The following LIN7A variants were observed in gnomAD, a reference collection of about 807,000 sequenced individuals.
LIN7A encodes the protein protein lin-7 homolog A.
Under a neutral mutation model 29.8 loss-of-function variants are expected in LIN7A, and 25 were observed. The ratio of observed to expected loss-of-function variants is 0.84; its 90% confidence interval spans 0.61 to 1.17. LIN7A has a LOEUF of 1.17. Ranked by LOEUF, LIN7A falls within the 50% of genes most tolerant of loss-of-function variation. LIN7A has a pLI of 0.00. For synonymous variants in LIN7A, 118 were observed against 107.5 expected, an observed-to-expected ratio of 1.10 and a Z score of -0.60; for missense variants, 239 against 287.0, an observed-to-expected ratio of 0.83 and a Z score of 1.21.
chr12:80,806,217 T>G (rs1212929160), intron 5 of LIN7A, among the ~76,000 whole-genome samples: 1 of 152,146 alleles, frequency 6.6e-6, no homozygotes, highest in Non-Finnish European at 1.5e-5. Context: ...GAAAATGAAC[T>G]AATACAACTC....
chr12:80,908,174 TC>T (rs750512281), intron 1 of LIN7A, among the ~76,000 whole-genome samples: 27 of 152,232 alleles, frequency 1.8e-4, no homozygotes, highest in Non-Finnish European at 3.5e-4. Context: ...ACTTGCTTTT[TC>T]CATTTTGTCT....
chr12:80,907,018 C>T (rs1876510701), intron 1 of LIN7A, among the ~76,000 whole-genome samples: 1 of 141,646 alleles, frequency 7.1e-6, no homozygotes, highest in African/African-American at 2.9e-5. Flanking sequence ...TTCAGTGAAA[C>T]AATGATCATA....
chr12:80,824,317 A>G (rs112477170), intron 4 of LIN7A, among the ~76,000 whole-genome samples: 36,561 of 152,050 alleles, frequency 0.24, 5,170 homozygotes, highest in Non-Finnish European at 0.33. Context: ...TAAACCAGGA[A>G]AATATAGAAT....
intron 5 of LIN7A, among the ~76,000 whole-genome samples, chr12:80,799,520 T>C (rs1385648459): frequency 6.6e-6 from 1 of 152,154 alleles, no homozygotes; most frequent in African/African-American, 2.4e-5. Context: ...CCCTGGATTA[T>C]TTAGTTCAAT....
At chr12:80,871,454 T>G (rs554399457) in intron 2 of LIN7A, among the ~76,000 whole-genome samples, 1 of 152,140 alleles carries the variant, frequency 6.6e-6, no homozygotes, top group Non-Finnish European at 1.5e-5. Flanking sequence ...TGCTTTTAAA[T>G]CCAATTAAAT....
intron 1 of LIN7A, among the ~76,000 whole-genome samples, chr12:80,932,943 A>T (rs918931245): frequency 6.6e-6 from 1 of 152,342 alleles, no homozygotes; most frequent in Middle Eastern, 3.4e-3. Flanking sequence ...TGTAGAGAAG[A>T]GTTGCTATGA....
At chr12:80,837,143 G>T (rs1436933552) in intron 4 of LIN7A, among the ~76,000 whole-genome samples, 1 of 152,044 alleles carries the variant, frequency 6.6e-6, no homozygotes, top group South Asian at 2.1e-4. Context: ...GAAAACCAAC[G>T]TGCCCATGCT....
At chr12:80,922,800 C>G (rs1852862539) in intron 1 of LIN7A, among the ~76,000 whole-genome samples, 1 of 152,112 alleles carries the variant, frequency 6.6e-6, no homozygotes, top group South Asian at 2.1e-4. Context: ...CTCTGAGTAG[C>G]ACAATGAAAC....
intron 1 of LIN7A, among the ~76,000 whole-genome samples, chr12:80,920,209 A>G (rs1486780497): frequency 1.3e-5 from 2 of 152,340 alleles, no homozygotes; most frequent in South Asian, 2.1e-4. Context: ...CGGTGCTCCA[A>G]TAAACTTCAC....
At chr12:80,889,396 A>C in intron 1 of LIN7A, 27 bp from the exon 2 acceptor site, 2 of 1,352,172 alleles carry the variant, frequency 1.5e-6, no homozygotes, top group Non-Finnish European at 2.1e-6. Context: ...GAAAATAGAG[A>C]AACCTAGAAT....
chr12:80,931,577 G>T (rs188592072), intron 1 of LIN7A, among the ~76,000 whole-genome samples: 24 of 151,338 alleles, frequency 1.6e-4, no homozygotes, highest in Admixed American at 2.6e-4. Context: ...GGCTGAGGTT[G>T]CAGTGAGCCG....
chr12:80,832,478 C>T (rs1049797417), intron 4 of LIN7A: 1 of 461,844 alleles, frequency 2.2e-6, no homozygotes, highest in Admixed American at 2.6e-5. Context: ...TGGTGCTCCT[C>T]CACACAGAAC....
intron 1 of LIN7A, among the ~76,000 whole-genome samples, chr12:80,912,765 T>C (rs1876829058): frequency 6.9e-6 from 1 of 145,878 alleles, no homozygotes; most frequent in African/African-American, 2.6e-5. Context: ...CTATAGAAAA[T>C]ATATGTTATA....
chr12:80,897,464 C>A (rs1353772848), intron 1 of LIN7A, among the ~76,000 whole-genome samples: 2 of 152,182 alleles, frequency 1.3e-5, no homozygotes, highest in South Asian at 4.1e-4. Context: ...GAACACCTGT[C>A]TCCTATCAAT....
intron 2 of LIN7A, among the ~76,000 whole-genome samples, chr12:80,849,733 C>T (rs1756318682): frequency 6.6e-6 from 1 of 152,072 alleles, no homozygotes; most frequent in Non-Finnish European, 1.5e-5. Flanking sequence ...TTGAACTCTC[C>T]AAGTTACCTA....
chr12:80,832,976 C>A (rs1230845986), intron 4 of LIN7A, among the ~76,000 whole-genome samples: 2 of 151,910 alleles, frequency 1.3e-5, no homozygotes, highest in Non-Finnish European at 2.9e-5. Context: ...GAATGGCCTC[C>A]CCCAGAAAGA....
At chr12:80,833,917 C>T (rs909040573) in intron 4 of LIN7A, among the ~76,000 whole-genome samples, 1 of 152,178 alleles carries the variant, frequency 6.6e-6, no homozygotes, top group African/African-American at 2.4e-5. Context: ...TGTAATAGGG[C>T]ATTTCTCCTC....
At chr12:80,925,808 T>C (rs1877552428) in intron 1 of LIN7A, among the ~76,000 whole-genome samples, 1 of 152,206 alleles carries the variant, frequency 6.6e-6, no homozygotes, top group Admixed American at 6.5e-5. Context: ...GAAAATAGTA[T>C]TAAAATGTCA....
rs1016528319 is a variant in LIN7A at position 80,937,004 on chromosome 12, C to A, written c.82+637G>T. ...CTTTCGATCTCGAAGCCGCGGAGAG[C>A]CGATCTCGGCTGCTGGGGCTCGGCT... On this transcript the variant is annotated intron_variant, in intron 1 of 5. Coordinates refer to ENST00000552864, the MANE Select transcript of LIN7A (RefSeq NM_004664.4). 5 of 152,156 alleles carry A rather than the reference C, an allele frequency of 3.3e-5. No homozygotes were observed. The East Asian group carries it at 9.7e-4, about 29-fold the overall frequency. The allele number at this position is 152,156 out of a possible 1,614,324, so 9.4% of individuals were successfully genotyped here. A position where few individuals can be genotyped will look rare whatever the true frequency, so the allele number is the denominator to read the frequency against.
Sources: allele counts gnomAD v4.1 joint callset (sites outside exome capture counted in the v4.1 genomes callset), GRCh38; gene constraint gnomAD v4.1.1; transcripts MANE v1.5; gene names NCBI Gene and HGNC (gene_info 2026-07-23, HGNC 2026-07-21).